Variants in ANK3 observed in about 807,000 individuals in gnomAD.
ANK3 encodes ankyrin-3.
Under a neutral mutation model 370.9 loss-of-function variants are expected in ANK3, and 57 were observed. The observed-to-expected ratio is 0.15, with a 90% CI of 0.12 to 0.19. ANK3 has a LOEUF of 0.19. ANK3 is among the 10% of genes least tolerant of loss of function. ANK3 has a pLI of 1.00. For synonymous variants in ANK3, 1,929 were observed against 1,946.3 expected, an observed-to-expected ratio of 0.99 and a Z score of 0.23; for missense variants, 4,439 against 5,302.1, an observed-to-expected ratio of 0.84 and a Z score of 5.06.
In ANK3 at chr10:60,379,343, G is replaced by A. The variant is rs183043519; in HGVS notation, c.114+10082C>T. ...GAAATTACAAATAGAACTACCATATGATTCAGCAATGCCACTACTGGGCAT... is the reference window on the plus strand; with the variant it reads ...GAAATTACAAATAGAACTACCATATAATTCAGCAATGCCACTACTGGGCAT... On this transcript the variant is annotated intron_variant, in intron 1 of 43. Coordinates refer to ENST00000280772, the MANE Select transcript of ANK3 (RefSeq NM_020987.5). Among the ~76,000 whole-genome samples the A allele has an allele frequency of 9.5e-4, 145 of 152,226 alleles. No homozygotes were observed. In the Middle Eastern group the frequency reaches 0.014, roughly 14 times the overall value.
At chr10:60,059,733 T>C (rs774594179) in intron 40 of ANK3, 4 of 1,613,920 alleles carry the variant, frequency 2.5e-6, no homozygotes, top group Admixed American at 3.3e-5. Context: ...CTCATCTACA[T>C]CCACTGCTTC....
chr10:60,693,646 C>G (rs148103025), intron 1 of ANK3, among the ~76,000 whole-genome samples: 1 of 152,094 alleles, frequency 6.6e-6, no homozygotes, highest in South Asian at 2.1e-4. Context: ...GCAGATTGAC[C>G]CCTCACACAG....
At chr10:60,224,730 C>T (rs1342320787) in intron 8 of ANK3, among the ~76,000 whole-genome samples, 1 of 151,900 alleles carries the variant, frequency 6.6e-6, no homozygotes, top group Non-Finnish European at 1.5e-5. Context: ...GCAGAGAGAA[C>T]TCTGCAGATA....
chr10:60,400,594 T>C (rs1238228010), intron 2 of ANK3, among the ~76,000 whole-genome samples: 1 of 152,190 alleles, frequency 6.6e-6, no homozygotes, highest in Non-Finnish European at 1.5e-5. Flanking sequence ...ATAAAAACTT[T>C]ATTTATAAAA....
At chr10:60,379,841 A>T (rs182994161) in intron 1 of ANK3, among the ~76,000 whole-genome samples, 21 of 152,234 alleles carry the variant, frequency 1.4e-4, no homozygotes, top group Admixed American at 7.2e-4. Flanking sequence ...TATAGTTTCA[A>T]ATAGGTAGAT....
In ANK3 at chr10:60,176,193, A is replaced by AC. The variant is rs1430774331; in HGVS notation, c.2185-3008_2185-3007insG. On this transcript the variant is annotated intron_variant, in intron 18 of 43. Coordinates refer to ENST00000280772, the MANE Select transcript of ANK3 (RefSeq NM_020987.5). ...TGCTAAAAATACAAAAAAAAAAAAAAAACAAAAAAAAACAAAAAACAATTA... is the reference window on the plus strand; with the variant it reads ...TGCTAAAAATACAAAAAAAAAAAAAACAACAAAAAAAAACAAAAAACAATTA... 4.7e-5 allele frequency among the ~76,000 whole-genome samples: 6 copies of AC among 127,406 alleles called. No individual in the cohort carries two copies. The East Asian group carries it at 1.1e-3, about 23-fold the overall frequency. 83.6% of individuals were successfully genotyped at this position (127,406 alleles called of 152,430 possible).
At chr10:60,248,690 A>G (rs1236123799) in intron 7 of ANK3, among the ~76,000 whole-genome samples, 1 of 152,236 alleles carries the variant, frequency 6.6e-6, no homozygotes, top group African/African-American at 2.4e-5. Context: ...AACACATGAA[A>G]TAGATGCTAT....
intron 43 of ANK3, among the ~76,000 whole-genome samples, chr10:60,039,269 G>C (rs1404501648): frequency 6.6e-6 from 1 of 152,198 alleles, no homozygotes; most frequent in Non-Finnish European, 1.5e-5. Flanking sequence ...GCTTACACAT[G>C]GCTGTGAGAA....
rs138432134 is a variant in ANK3, at chr10:60,247,794, A to G, written c.799-13008T>C. The stretch of plus-strand genomic sequence containing the variant: ...GTGATTCTCCTGCCTCTTACTTCCA[A>G]GTAGCTGGGATTACAGGTGCACATC... On this transcript the variant is annotated intron_variant, in intron 7 of 43. Transcript: ENST00000280772. Among the ~76,000 whole-genome samples the G allele has an allele frequency of 2.6e-4, 40 of 152,206 alleles. No homozygotes were observed. The East Asian group carries it at 7.5e-3, about 29-fold the overall frequency.
At chr10:60,580,104 G>A (rs1333512581) in intron 2 of ANK3, among the ~76,000 whole-genome samples, 1 of 152,112 alleles carries the variant, frequency 6.6e-6, no homozygotes, top group African/African-American at 2.4e-5. Context: ...TTCTTTGGCT[G>A]GTAGAACACT....
At chr10:60,310,893 G>A (rs1016822283) in intron 1 of ANK3, among the ~76,000 whole-genome samples, 6 of 152,076 alleles carry the variant, frequency 3.9e-5, no homozygotes, top group African/African-American at 1.4e-4. Context: ...GTCACATCAC[G>A]GTCCACTACT....
intron 1 of ANK3, among the ~76,000 whole-genome samples, chr10:60,362,243 A>G (rs2058720852): frequency 6.6e-6 from 1 of 152,224 alleles, no homozygotes; most frequent in African/African-American, 2.4e-5. Context: ...AAAAAACAAA[A>G]AACAACTTTG....
At position 60,114,293 on chromosome 10, in the gene ANK3, A is replaced by G; in HGVS notation, c.2880T>C (p.Leu960=). 2.5e-6 allele frequency: 4 copies of G among 1,608,472 alleles called. No individual in the cohort carries two copies. Among genetic ancestry groups the G allele is most frequent in the Non-Finnish European group, 3.4e-6 (4 of 1,177,530 alleles). The change falls in exon 26 of 44, where the codon CTT becomes CTC. Residue 960 remains leucine, a synonymous_variant. Coordinates refer to ENST00000280772, the MANE Select transcript of ANK3 (RefSeq NM_020987.5). The part of the protein sequence containing the change: ...TFTREFDSDS[L]RHYSWAADTL... ...TGTCTGCAGCCCAGCTGTAATGTCT[A>G]AGAGAATCTGAATCAAATTCCCTTG...
chr10:60,567,842 A>G (rs911791569), intron 2 of ANK3, among the ~76,000 whole-genome samples: 3 of 152,212 alleles, frequency 2.0e-5, no homozygotes, highest in Non-Finnish European at 4.4e-5. Context: ...TTGGGGGCTC[A>G]AGACTTCAAT....
At chr10:60,400,484 G>A (rs1239041805) in intron 2 of ANK3, among the ~76,000 whole-genome samples, 1 of 151,970 alleles carries the variant, frequency 6.6e-6, no homozygotes, top group Non-Finnish European at 1.5e-5. Flanking sequence ...ACAATCCTAA[G>A]GTAACTACTG....
chr10:60,431,627 TCA>T (rs1293150993), intron 2 of ANK3, among the ~76,000 whole-genome samples: 1 of 152,022 alleles, frequency 6.6e-6, no homozygotes, highest in Non-Finnish European at 1.5e-5. Context: ...GAGGGGAACA[TCA>T]CACACTGAGG....
intron 23 of ANK3, among the ~76,000 whole-genome samples, chr10:60,162,862 A>C (rs1246280001): frequency 6.6e-6 from 1 of 151,994 alleles, no homozygotes. Context: ...TCCACTTCTC[A>C]TTATCTCCCA....
intron 28 of ANK3, among the ~76,000 whole-genome samples, chr10:60,093,646 G>C (rs2089313062): frequency 6.6e-6 from 1 of 152,172 alleles, no homozygotes; most frequent in African/African-American, 2.4e-5. Flanking sequence ...TGACAGCACT[G>C]AATTGAGAAG....
intron 1 of ANK3, among the ~76,000 whole-genome samples, chr10:60,340,233 GA>G (rs1446066017): frequency 6.6e-6 from 1 of 152,126 alleles, no homozygotes; most frequent in Non-Finnish European, 1.5e-5. Flanking sequence ...AGATATTTGA[GA>G]ACCACTGGTC....
Sources: allele counts gnomAD v4.1 joint callset (sites outside exome capture counted in the v4.1 genomes callset), GRCh38; gene constraint gnomAD v4.1.1; transcripts MANE v1.5; gene names NCBI Gene and HGNC (gene_info 2026-07-23, HGNC 2026-07-21).